The following RASGRF2 variants were observed in gnomAD, a reference collection of about 807,000 sequenced individuals.
RASGRF2 encodes Ras protein specific guanine nucleotide releasing factor 2, also known as ras-specific guanine nucleotide-releasing factor 2.
RASGRF2 carries 76 observed loss-of-function variants against 151.0 expected under a neutral mutation model. The observed-to-expected ratio is 0.50, with a 90% confidence interval of 0.42 to 0.61. The LOEUF (loss-of-function observed/expected upper bound fraction) is 0.61, where lower values mean the gene tolerates loss of function less well. Ranked by LOEUF, RASGRF2 falls within the 20% of genes least tolerant of loss-of-function variation. The probability of loss-of-function intolerance (pLI) is 0.00; values close to 1 mark genes in which losing one functional copy is unlikely to be tolerated. For synonymous variants in RASGRF2, 504 were observed against 566.5 expected, an observed-to-expected ratio of 0.89 and a Z score of 1.57; for missense variants, 1,148 against 1,564.6, an observed-to-expected ratio of 0.73 and a Z score of 4.49.
intron 1 of RASGRF2, among the ~76,000 whole-genome samples, chr5:80,981,388 G>C (rs1486831717): frequency 6.6e-6 from 1 of 152,116 alleles, no homozygotes; most frequent in Admixed American, 6.5e-5. Context: ...TCCGTGGTTA[G>C]AACCTTAAAG....
chr5:80,999,260 G>A (rs1749000241), intron 1 of RASGRF2, among the ~76,000 whole-genome samples: 1 of 152,242 alleles, frequency 6.6e-6, no homozygotes, highest in East Asian at 1.9e-4. Context: ...CACTTTATGG[G>A]GATAAGATGG....
chr5:80,995,925 T>G (rs1439747608), intron 1 of RASGRF2, among the ~76,000 whole-genome samples: 1 of 152,046 alleles, frequency 6.6e-6, no homozygotes, highest in Non-Finnish European at 1.5e-5. Flanking sequence ...ACTCCTGACC[T>G]CAGGTGATCT....
intron 18 of RASGRF2, among the ~76,000 whole-genome samples, chr5:81,186,186 G>C (rs1755021872): frequency 6.6e-6 from 1 of 152,034 alleles, no homozygotes; most frequent in Non-Finnish European, 1.5e-5. Context: ...ATGCTTTTTG[G>C]CATTTTTATT....
chr5:81,035,580 G>A (rs1337204368), intron 1 of RASGRF2, among the ~76,000 whole-genome samples: 2 of 151,822 alleles, frequency 1.3e-5, no homozygotes, highest in East Asian at 1.9e-4. Context: ...CCTGCATGTT[G>A]TGCACATGTA....
intron 17 of RASGRF2, among the ~76,000 whole-genome samples, chr5:81,156,727 T>TTC: frequency 6.6e-6 from 1 of 152,350 alleles, no homozygotes; most frequent in African/African-American, 2.4e-5. Context: ...TACATAGTGG[T>TTC]GAAAGACTGA....
Position 81,180,203 on chromosome 5 carries a change from TAAAG to T in RASGRF2, c.2717_2720del (p.Lys906SerfsTer13). On this transcript the variant is annotated frameshift_variant, in exon 18 of 27. Coordinates refer to ENST00000265080, the MANE Select transcript of RASGRF2 (RefSeq NM_006909.3). LOFTEE classifies it high-confidence loss of function. ...TTAACAACACCGAGAGAACATGTGA[TAAAG>T]AGTTTATTATACGGAGAACGGCTAC... is the stretch of plus-strand genomic sequence containing the variant. 1 of 1,612,028 alleles carries T rather than the reference TAAAG, an allele frequency of 6.2e-7. No individual in the cohort carries two copies. The highest frequency in any genetic ancestry group is 8.5e-7 in the Non-Finnish European group (1 of 1,178,158).
intron 12 of RASGRF2, among the ~76,000 whole-genome samples, chr5:81,108,734 G>C (rs1253980287): frequency 1.3e-5 from 2 of 152,130 alleles, no homozygotes; most frequent in Non-Finnish European, 2.9e-5. Flanking sequence ...GGGAAGTACA[G>C]CTGTTGTATC....
chr5:81,167,049 T>G (rs2112650283), intron 17 of RASGRF2, among the ~76,000 whole-genome samples: 1 of 152,206 alleles, frequency 6.6e-6, no homozygotes, highest in East Asian at 1.9e-4. Flanking sequence ...CTTCCCCGAG[T>G]GAAGAGACGG....
chr5:80,967,020 G>T (rs2112207605), intron 1 of RASGRF2, among the ~76,000 whole-genome samples: 1 of 152,270 alleles, frequency 6.6e-6, no homozygotes, highest in African/African-American at 2.4e-5. Flanking sequence ...GATTAAATAA[G>T]TTAATCAGAA....
In RASGRF2 at chr5:81,225,722, T is replaced by C. The variant is rs1755965935; in HGVS notation, c.3666T>C (p.Asp1222=). ...ACAAAGACCTTATCATAGATGAAGA[T>C]ACGCTATATGAGCTGTCACTAAAAA... ...LLDKDLIIDE[D]TLYELSLKIE... Residue 1222 remains aspartate, a synonymous_variant, in exon 27 of 27, where the codon GAT becomes GAC. Coordinates refer to ENST00000265080, the MANE Select transcript of RASGRF2 (RefSeq NM_006909.3). The C allele has an allele frequency of 6.2e-7, 1 of 1,612,138 alleles. No homozygotes were observed. The highest frequency in any genetic ancestry group is 1.3e-5 in the African/African-American group (1 of 74,768).
At chr5:81,086,493 A>C (rs1413499248) in intron 8 of RASGRF2, among the ~76,000 whole-genome samples, 4 of 152,178 alleles carry the variant, frequency 2.6e-5, no homozygotes, top group Admixed American at 2.0e-4. Flanking sequence ...AAATGGTCTA[A>C]AGGTCTCTTA....
At chr5:81,164,552 A>AT (rs1451215280) in intron 17 of RASGRF2, among the ~76,000 whole-genome samples, 1 of 152,060 alleles carries the variant, frequency 6.6e-6, no homozygotes, top group Non-Finnish European at 1.5e-5. Context: ...GGCAGAAAAT[A>AT]TTTTTTTACA....
intron 2 of RASGRF2, among the ~76,000 whole-genome samples, chr5:81,059,935 A>G (rs1751366571): frequency 6.6e-6 from 1 of 152,234 alleles, no homozygotes; most frequent in Non-Finnish European, 1.5e-5. Flanking sequence ...TGCAGGCTGT[A>G]CAAGCATGGC....
intron 17 of RASGRF2, among the ~76,000 whole-genome samples, chr5:81,178,867 A>T (rs977405691): frequency 6.6e-5 from 10 of 151,990 alleles, no homozygotes; most frequent in Non-Finnish European, 1.3e-4. Context: ...GCCTCCCGAG[A>T]GGCTGGGACT....
chr5:81,127,923 C>CAAA (rs60196392), intron 17 of RASGRF2, among the ~76,000 whole-genome samples: 664 of 64,570 alleles, frequency 0.01, 8 homozygotes, highest in African/African-American at 0.02. Flanking sequence ...GACTCCGTCT[C>CAAA]AAAAAAAAAA....
intron 12 of RASGRF2, among the ~76,000 whole-genome samples, chr5:81,098,972 C>T (rs1482328999): frequency 6.6e-6 from 1 of 152,036 alleles, no homozygotes; most frequent in East Asian, 1.9e-4. Context: ...AGAAATATTC[C>T]CAACACCCAA....
intron 1 of RASGRF2, among the ~76,000 whole-genome samples, chr5:81,005,021 T>C (rs1369382332): frequency 6.6e-6 from 1 of 152,174 alleles, no homozygotes; most frequent in Admixed American, 6.5e-5. Context: ...CTCCTAATTT[T>C]CCAAACCTAC....
rs1752214327 is a variant in RASGRF2, at chr5:81,085,850, C to G, written c.1210C>G (p.His404Asp). ...TLHELLAHTP[H>D]EHVERKSLEF... ...CCATGAGCTCCTTGCTCACACACCCCATGAGCATGTGGAAAGGAAAAGCCT... is the reference window on the plus strand; with the variant it reads ...CCATGAGCTCCTTGCTCACACACCCGATGAGCATGTGGAAAGGAAAAGCCT... Residue 404 changes from histidine to aspartate, a missense_variant, in exon 8 of 27, where the codon CAT becomes GAT. By Grantham distance (81) the His-to-Asp change is moderately conservative. This residue lies in a region of RASGRF2 where 176 missense variants were observed against 309.6 expected (regional missense o/e 0.57). Coordinates refer to ENST00000265080, the MANE Select transcript of RASGRF2 (RefSeq NM_006909.3). 6.2e-7 allele frequency: 1 copy of G among 1,614,098 alleles called. No individual in the cohort carries two copies. The highest frequency in any genetic ancestry group is 2.2e-5 in the East Asian group (1 of 44,874).
chr5:81,200,710 G>A (rs1483969450), intron 18 of RASGRF2, among the ~76,000 whole-genome samples: 2 of 152,168 alleles, frequency 1.3e-5, no homozygotes, highest in Non-Finnish European at 2.9e-5. Flanking sequence ...TGGAATACAG[G>A]GAGTTGACAG....
Sources: allele counts gnomAD v4.1 joint callset (sites outside exome capture counted in the v4.1 genomes callset), GRCh38; gene constraint gnomAD v4.1.1; regional missense constraint gnomAD v4.1.1; transcripts MANE v1.5; gene names NCBI Gene and HGNC (gene_info 2026-07-23, HGNC 2026-07-21).